CAST: variants seen among roughly 807,000 people sequenced by gnomAD.
CAST encodes MIR583 host.
In CAST, 76 loss-of-function variants were observed where a neutral mutation model predicts 119.6. That is an observed-to-expected ratio of 0.64 (90% CI 0.53 to 0.77). The LOEUF (loss-of-function observed/expected upper bound fraction) is 0.77. Among genes scored for constraint, CAST ranks in the 30% least tolerant of loss-of-function variants. The pLI, the probability that CAST is intolerant of heterozygous loss-of-function variation, is 0.00. For synonymous variants in CAST, 319 were observed against 331.6 expected (o/e 0.96, Z 0.41); for missense variants, 953 against 946.5 (o/e 1.01, Z -0.09).
chr5:96,654,246 CA>C (rs1484561283), intron 1 of CAST, among the ~76,000 whole-genome samples: 1 of 152,020 alleles, frequency 6.6e-6, no homozygotes, highest in African/African-American at 2.4e-5. Flanking sequence ...AAGCTGGTCT[CA>C]AACTCCTGAC....
the CAST span, among the ~76,000 whole-genome samples, chr5:96,121,555 TAC>T: frequency 6.6e-6 from 1 of 151,950 alleles, no homozygotes; most frequent in Non-Finnish European, 1.5e-5. Context: ...TCAGTGAGTT[TAC>T]ACAGTCAGCG....
At chr5:96,498,766 C>A in the CAST span, among the ~76,000 whole-genome samples, 1 of 152,138 alleles carries the variant, frequency 6.6e-6, no homozygotes, top group Non-Finnish European at 1.5e-5. Context: ...AGTATGTCCG[C>A]TGCCACCCTT....
At chr5:96,483,869 G>A in the CAST span, among the ~76,000 whole-genome samples, 1 of 152,140 alleles carries the variant, frequency 6.6e-6, no homozygotes, top group Non-Finnish European at 1.5e-5. Context: ...ATCAACTAGT[G>A]AAGTGCTGAG....
intron 27 of CAST, 45 bp downstream of exon 27, chr5:96,766,190 C>G: frequency 9.3e-7 from 1 of 1,073,176 alleles, no homozygotes; most frequent in Non-Finnish European, 1.4e-6. Flanking sequence ...CTACCAAGAT[C>G]TTTAAATTCA....
At chr5:96,454,247 G>T in the CAST span, among the ~76,000 whole-genome samples, 1 of 152,116 alleles carries the variant, frequency 6.6e-6, no homozygotes, top group Admixed American at 6.5e-5. Flanking sequence ...CCTTTGAAAG[G>T]TGTCATCAGA....
chr5:96,096,158 T>C, the CAST span, among the ~76,000 whole-genome samples: 1 of 152,108 alleles, frequency 6.6e-6, no homozygotes, highest in Non-Finnish European at 1.5e-5. Flanking sequence ...TAAAAGGAGG[T>C]AGAAATAGCT....
the CAST span, among the ~76,000 whole-genome samples, chr5:96,176,081 G>T: frequency 3.3e-5 from 5 of 152,148 alleles, no homozygotes; most frequent in African/African-American, 1.2e-4. Context: ...TGAAATAAGA[G>T]GTTTCTAAAC....
chr5:96,479,017 A>C, the CAST span, among the ~76,000 whole-genome samples: 1 of 152,216 alleles, frequency 6.6e-6, no homozygotes, highest in East Asian at 1.9e-4. Context: ...GGAGGAGAAC[A>C]ATCATAGTAA....
chr5:96,398,966 T>G, the CAST span: 10 of 1,611,856 alleles, frequency 6.2e-6, no homozygotes, highest in Non-Finnish European at 7.6e-6. Context: ...AGGGACTTGA[T>G]AGCATTTTCT....
At chr5:96,243,243 C>T in the CAST span, among the ~76,000 whole-genome samples, 2 of 150,410 alleles carry the variant, frequency 1.3e-5, no homozygotes, top group African/African-American at 4.9e-5. Flanking sequence ...AAGTACTCAG[C>T]ATAACTAAAT....
At chr5:96,387,386 G>T in the CAST span, among the ~76,000 whole-genome samples, 1 of 152,260 alleles carries the variant, frequency 6.6e-6, no homozygotes, top group East Asian at 1.9e-4. Flanking sequence ...AGAATGACCA[G>T]AGCCAAGGGC....
Position 96,759,464 on chromosome 5 carries a change from T to C in CAST, c.1833+1810T>C, listed in dbSNP as rs150740191. On this transcript the variant is annotated intron_variant, in intron 24 of 31. Transcript: ENST00000675179. ...GTCAAAGCAGTATTCCTGTGATACA[T>C]TGTCATAAACACCTTTATCAATAGT... is the stretch of plus-strand genomic sequence containing the variant. Among the ~76,000 whole-genome samples the C allele has an allele frequency of 3.5e-3, 533 of 152,196 alleles. 5 individuals carry two copies. Among genetic ancestry groups the C allele is most frequent in the African/African-American group, 0.012 (507 of 41,558 alleles).
chr5:96,042,244 C>G, the CAST span, among the ~76,000 whole-genome samples: 52 of 152,282 alleles, frequency 3.4e-4, no homozygotes, highest in Non-Finnish European at 5.9e-5. Flanking sequence ...TGGAAGAGCT[C>G]TACCTCTAGA....
intron 1 of CAST, 102 bp from the exon 2 acceptor site, chr5:96,675,437 G>A (rs1750583454): frequency 2.6e-6 from 2 of 770,118 alleles, no homozygotes; most frequent in African/African-American, 3.5e-5. Flanking sequence ...GATTAAAGTG[G>A]TCGTTTTTTA....
At chr5:96,504,259 A>G in the CAST span, among the ~76,000 whole-genome samples, 1 of 152,076 alleles carries the variant, frequency 6.6e-6, no homozygotes, top group Non-Finnish European at 1.5e-5. Flanking sequence ...TTTCAAAAAG[A>G]CCTCACCGGC....
chr5:96,759,247 A>G (rs1373263118), intron 24 of CAST, among the ~76,000 whole-genome samples: 1 of 152,186 alleles, frequency 6.6e-6, no homozygotes, highest in African/African-American at 2.4e-5. Flanking sequence ...GAAGTATCAC[A>G]TATGGCTCAT....
the CAST span, among the ~76,000 whole-genome samples, chr5:96,108,787 G>T: frequency 6.6e-6 from 1 of 152,266 alleles, no homozygotes; most frequent in African/African-American, 2.4e-5. Context: ...GTTTACCTAA[G>T]CAAGCCTGGG....
the CAST span, among the ~76,000 whole-genome samples, chr5:96,312,419 C>T: frequency 2.0e-5 from 3 of 152,034 alleles, no homozygotes; most frequent in Non-Finnish European, 4.4e-5. Context: ...TCCCCTTTGA[C>T]AAACATTTTA....
chr5:96,521,969 A>G (rs1042215640), upstream of CAST, among the ~76,000 whole-genome samples: 1 of 152,170 alleles, frequency 6.6e-6, no homozygotes, highest in Non-Finnish European at 1.5e-5. Context: ...CAAAAAAATT[A>G]GCCAGGCGTG....
Sources: allele counts gnomAD v4.1 joint callset (sites outside exome capture counted in the v4.1 genomes callset), GRCh38; gene constraint gnomAD v4.1.1; transcripts MANE v1.5; gene names NCBI Gene and HGNC (gene_info 2026-07-23, HGNC 2026-07-21).